The following KCNH8 variants were observed in gnomAD, a reference collection of about 807,000 sequenced individuals.
The protein encoded by KCNH8 is potassium voltage-gated channel subfamily H member 8.
KCNH8 carries 70 observed loss-of-function variants against 103.6 expected under a neutral mutation model. The ratio of observed to expected loss-of-function variants is 0.68; its 90% confidence interval spans 0.56 to 0.82. The LOEUF (loss-of-function observed/expected upper bound fraction) is 0.82, where lower values mean the gene tolerates loss of function less well. KCNH8 is among the 40% of genes least tolerant of loss of function. The pLI, the probability that KCNH8 is intolerant of heterozygous loss-of-function variation, is 0.00. For synonymous variants in KCNH8, 498 were observed against 489.4 expected (o/e 1.02, Z -0.23); for missense variants, 1,217 against 1,329.9 (o/e 0.92, Z 1.32).
chr3:19,390,473 C>T lies in KCNH8; in HGVS notation c.812-8C>T. On this transcript the variant is annotated splice_region_variant and splice_polypyrimidine_tract_variant and intron_variant, in intron 5 of 15. Coordinates refer to ENST00000328405, the MANE Select transcript of KCNH8 (RefSeq NM_144633.3). ...CTTTTATTTCTCAACCTTTTTTTTCCCAAGCAGATATTATTTTAAATTTCC... is the reference window on the plus strand; with the variant it reads ...CTTTTATTTCTCAACCTTTTTTTTCTCAAGCAGATATTATTTTAAATTTCC... 6.3e-7 allele frequency: 1 copy of T among 1,593,854 alleles called. No homozygotes were observed. The highest frequency in any genetic ancestry group is 1.1e-5 in the South Asian group (1 of 88,722).
chr3:19,286,638 T>G (rs1484492191), intron 3 of KCNH8, among the ~76,000 whole-genome samples: 1 of 152,372 alleles, frequency 6.6e-6, no homozygotes, highest in East Asian at 1.9e-4. Flanking sequence ...TATAAAATGA[T>G]GTAATATTTT....
chr3:19,438,989 G>T (rs1264890819), intron 8 of KCNH8, among the ~76,000 whole-genome samples: 1 of 152,144 alleles, frequency 6.6e-6, no homozygotes, highest in Admixed American at 6.5e-5. Context: ...AGATCCAGCA[G>T]TACTTCTCCC....
At chr3:19,394,776 C>T (rs2066489826) in intron 6 of KCNH8, among the ~76,000 whole-genome samples, 1 of 151,812 alleles carries the variant, frequency 6.6e-6, no homozygotes, top group Non-Finnish European at 1.5e-5. Context: ...GAGATATGTA[C>T]AATTCTGATA....
chr3:19,211,021 T>C (rs1028833064), intron 1 of KCNH8, among the ~76,000 whole-genome samples: 1 of 152,166 alleles, frequency 6.6e-6, no homozygotes, highest in African/African-American at 2.4e-5. Context: ...ATCTAGGTTG[T>C]TTCAGTTCTC....
intron 1 of KCNH8, among the ~76,000 whole-genome samples, chr3:19,158,300 A>G (rs1338699248): frequency 2.6e-5 from 4 of 151,606 alleles, no homozygotes; most frequent in Admixed American, 6.6e-5. Context: ...TTGACTTTCT[A>G]TCCTATTATA....
Position 19,342,649 on chromosome 3 carries a change from G to A in KCNH8, c.505G>A (p.Ala169Thr). Residue 169 changes from alanine (A) to threonine (T), a missense_variant, in exon 4 of 16, where the codon GCA becomes ACA. Physicochemically the swap from Ala to Thr is moderately conservative, Grantham distance 58. Coordinates refer to ENST00000328405, the MANE Select transcript of KCNH8 (RefSeq NM_144633.3). ...HFDSARRRSR[A>T]VLYHISGHLQ... ...TGACTCAGCCCGGAGACGGAGTCGAGCAGTCCTTTATCACATCTCTGGGCA... is the reference window on the plus strand; with the variant it reads ...TGACTCAGCCCGGAGACGGAGTCGAACAGTCCTTTATCACATCTCTGGGCA... 5 of 1,611,124 alleles carry A rather than the reference G, an allele frequency of 3.1e-6. No homozygotes were observed. Among genetic ancestry groups the A allele is most frequent in the East Asian group, 2.2e-5 (1 of 44,768 alleles).
At chr3:19,280,466 TC>T (rs2064741176) in intron 2 of KCNH8, among the ~76,000 whole-genome samples, 1 of 152,122 alleles carries the variant, frequency 6.6e-6, no homozygotes, top group Admixed American at 6.6e-5. Flanking sequence ...ACTTTTAACA[TC>T]ATAGATTAGT....
intron 3 of KCNH8, among the ~76,000 whole-genome samples, chr3:19,340,436 G>T (rs1057145426): frequency 6.7e-6 from 1 of 149,610 alleles, no homozygotes; most frequent in Non-Finnish European, 1.5e-5. Flanking sequence ...GTATACATGT[G>T]CCATGCTGGT....
intron 6 of KCNH8, among the ~76,000 whole-genome samples, chr3:19,394,491 G>A (rs1405443121): frequency 6.6e-6 from 1 of 151,436 alleles, no homozygotes; most frequent in African/African-American, 2.4e-5. Context: ...GAGAGAAAGA[G>A]AGAGAGAGAG....
At chr3:19,411,539 A>G (rs966866035) in intron 7 of KCNH8, among the ~76,000 whole-genome samples, 1 of 152,076 alleles carries the variant, frequency 6.6e-6, no homozygotes, top group Admixed American at 6.6e-5. Flanking sequence ...GAAAGAAATA[A>G]GAGTCATCCA....
At chr3:19,374,514 G>C (rs996715670) in intron 5 of KCNH8, among the ~76,000 whole-genome samples, 2 of 152,106 alleles carry the variant, frequency 1.3e-5, no homozygotes, top group Non-Finnish European at 2.9e-5. Flanking sequence ...ACGTGAGATG[G>C]GTTTCCTGAA....
intron 1 of KCNH8, among the ~76,000 whole-genome samples, chr3:19,246,989 C>G (rs777656479): frequency 2.6e-5 from 4 of 152,202 alleles, no homozygotes; most frequent in Non-Finnish European, 5.9e-5. Flanking sequence ...CTTTCTACTA[C>G]TACCTCAGCA....
At chr3:19,155,058 T>C (rs2063167928) in intron 1 of KCNH8, among the ~76,000 whole-genome samples, 1 of 152,364 alleles carries the variant, frequency 6.6e-6, no homozygotes, top group African/African-American at 2.4e-5. Context: ...ATAAATTCCC[T>C]GGAAGATATG....
intron 1 of KCNH8, among the ~76,000 whole-genome samples, chr3:19,153,073 A>G (rs1411341045): frequency 6.6e-6 from 1 of 152,186 alleles, no homozygotes; most frequent in African/African-American, 2.4e-5. Context: ...TGTTAGAAGC[A>G]TAGGGAGAAG....
At chr3:19,195,521 G>T (rs2125213343) in intron 1 of KCNH8, among the ~76,000 whole-genome samples, 1 of 152,056 alleles carries the variant, frequency 6.6e-6, no homozygotes, top group Middle Eastern at 3.4e-3. Context: ...CACCCAGACA[G>T]TTCTGGACAT....
chr3:19,152,575 A>T (rs1403880557), intron 1 of KCNH8, among the ~76,000 whole-genome samples: 1 of 152,168 alleles, frequency 6.6e-6, no homozygotes, highest in African/African-American at 2.4e-5. Context: ...TTGTTTAGAA[A>T]CTCATTAATA....
At chr3:19,358,837 T>C (rs1434367072) in intron 5 of KCNH8, among the ~76,000 whole-genome samples, 1 of 151,758 alleles carries the variant, frequency 6.6e-6, no homozygotes. Flanking sequence ...ATTAGTTGTG[T>C]GTATTAAAAT....
At chr3:19,430,553 G>A (rs1228905910) in intron 7 of KCNH8, among the ~76,000 whole-genome samples, 1 of 152,056 alleles carries the variant, frequency 6.6e-6, no homozygotes, top group Non-Finnish European at 1.5e-5. Flanking sequence ...GAATAGCATT[G>A]AATCTATAAA....
chr3:19,217,260 A>G lies in KCNH8; in HGVS notation c.77-36394A>G, dbSNP rs565164950. On this transcript the variant is annotated intron_variant, in intron 1 of 15. Coordinates refer to ENST00000328405, the MANE Select transcript of KCNH8 (RefSeq NM_144633.3). ...TTAAGATATTTCACCTTACATTTCT[A>G]TAGTTTATAAAAATCTATTATGTCC... 5.3e-5 allele frequency among the ~76,000 whole-genome samples: 8 copies of G among 152,266 alleles called. 1 individual carries two copies. In the East Asian group the frequency reaches 1.2e-3, roughly 22 times the overall value.
Sources: allele counts gnomAD v4.1 joint callset (sites outside exome capture counted in the v4.1 genomes callset), GRCh38; gene constraint gnomAD v4.1.1; transcripts MANE v1.5; gene names NCBI Gene and HGNC (gene_info 2026-07-23, HGNC 2026-07-21).